Variants in MYO3A observed in about 807,000 individuals in gnomAD.
The protein encoded by MYO3A is myosin-IIIa.
MYO3A carries 180 observed loss-of-function variants against 192.7 expected under a neutral mutation model. The observed-to-expected ratio is 0.93, with a 90% CI of 0.83 to 1.06. MYO3A has a LOEUF of 1.06. Among genes scored for constraint, MYO3A ranks in the 50% least tolerant of loss-of-function variants. The pLI is 0.00. For missense variants in MYO3A, 1,896 were observed against 1,905.0 expected (o/e 1.00, Z 0.09); for synonymous variants, 628 against 645.3 (o/e 0.97, Z 0.41).
At chr10:25,977,221 T>G (rs2130772485) in intron 4 of MYO3A, among the ~76,000 whole-genome samples, 1 of 152,362 alleles carries the variant, frequency 6.6e-6, no homozygotes, top group Non-Finnish European at 1.5e-5. Flanking sequence ...GTCTGCTTAA[T>G]AATTTCCATG....
At chr10:26,200,866 A>C (rs1303303208) in intron 32 of MYO3A, 1 of 152,774 alleles carries the variant, frequency 6.5e-6, no homozygotes, top group East Asian at 1.9e-4. Flanking sequence ...GCAGACAAAG[A>C]AGCAAGACAT....
At chr10:26,107,306 C>G (rs548748207) in intron 17 of MYO3A, among the ~76,000 whole-genome samples, 18 of 151,918 alleles carry the variant, frequency 1.2e-4, no homozygotes, top group African/African-American at 4.3e-4. Context: ...ACAGTGAAAC[C>G]CCGTCTCTAC....
chr10:25,959,802 GGTGTGTGTGTGT>G lies in MYO3A; in HGVS notation c.303+4809_303+4820del, dbSNP rs10543438. Reference sequence around the variant, plus strand: ...ACAAAATTTCCAGTCTCTTAACCTGGGTGTGTGTGTGTGTGTGTGTGTGTGTCTGTGTGTGTA... The same window carrying G: ...ACAAAATTTCCAGTCTCTTAACCTGGGTGTGTGTGTGTGTCTGTGTGTGTA... On this transcript the variant is annotated intron_variant, in intron 4 of 34. Transcript: ENST00000642920. Among the ~76,000 whole-genome samples, 8 of 149,518 alleles carry G rather than the reference GGTGTGTGTGTGT, an allele frequency of 5.4e-5. No individual in the cohort carries two copies. The East Asian group carries it at 1.6e-3, about 29-fold the overall frequency.
At chr10:26,069,085 G>T (rs1835033365) in intron 12 of MYO3A, among the ~76,000 whole-genome samples, 1 of 152,028 alleles carries the variant, frequency 6.6e-6, no homozygotes, top group South Asian at 2.1e-4. Context: ...TTCTCCAAAT[G>T]CGTGTGCCAG....
intron 7 of MYO3A, among the ~76,000 whole-genome samples, chr10:26,018,058 A>G (rs1389144034): frequency 6.6e-6 from 1 of 151,068 alleles, no homozygotes; most frequent in African/African-American, 2.4e-5. Flanking sequence ...TTGTATGTTT[A>G]TTTATTATAA....
chr10:25,943,801 T>TGTGTGTGTGTGA (rs1454044629), intron 2 of MYO3A, among the ~76,000 whole-genome samples: 1 of 151,480 alleles, frequency 6.6e-6, no homozygotes, highest in Non-Finnish European at 1.5e-5. Flanking sequence ...TGTGTGTGTG[T>TGTGTGTGTGTGA]GTGATTCTTT....
intron 2 of MYO3A, among the ~76,000 whole-genome samples, chr10:25,937,827 A>G (rs1836197898): frequency 3.3e-5 from 5 of 152,226 alleles, no homozygotes; most frequent in Admixed American, 3.3e-4. Flanking sequence ...GGAATAAAAC[A>G]TTGGTTATGG....
At chr10:25,958,162 G>C (rs1837681708) in intron 4 of MYO3A, among the ~76,000 whole-genome samples, 1 of 151,938 alleles carries the variant, frequency 6.6e-6, no homozygotes, top group South Asian at 2.1e-4. Flanking sequence ...ATCTTTGCTG[G>C]TTCCTATGTC....
intron 14 of MYO3A, among the ~76,000 whole-genome samples, chr10:26,073,790 A>C (rs1835362852): frequency 6.6e-6 from 1 of 152,192 alleles, no homozygotes. Context: ...CAATACAGAC[A>C]GAAGCAGATC....
intron 4 of MYO3A, among the ~76,000 whole-genome samples, chr10:25,982,328 A>G (rs563202995): frequency 6.6e-6 from 1 of 152,226 alleles, no homozygotes; most frequent in South Asian, 2.1e-4. Flanking sequence ...GCCAAAGAGG[A>G]AGGTCTTGGA....
chr10:26,153,938 A>G lies in MYO3A; in HGVS notation c.2715+9A>G. The G allele has an allele frequency of 6.4e-7, 1 of 1,569,530 alleles. No homozygotes were observed. Among genetic ancestry groups the G allele is most frequent in the Non-Finnish European group, 8.8e-7 (1 of 1,139,962 alleles). On this transcript the variant is annotated intron_variant, in intron 24 of 34. Coordinates refer to ENST00000642920, the MANE Select transcript of MYO3A (RefSeq NM_017433.5). ...TAATCAACCTGGCAAAGGTAAGAAA[A>G]TGCTTTTTTTCTTGGCAGTGAGTCT...
At chr10:26,172,093 A>C (rs1406574613) in intron 29 of MYO3A, among the ~76,000 whole-genome samples, 1 of 152,352 alleles carries the variant, frequency 6.6e-6, no homozygotes, top group South Asian at 2.1e-4. Flanking sequence ...ACATGAAAGA[A>C]GTAGAGGCAG....
chr10:26,168,957 A>G (rs1841906750), intron 28 of MYO3A, 83 bp downstream of exon 28: 1 of 1,377,514 alleles, frequency 7.3e-7, no homozygotes, highest in Non-Finnish European at 1.0e-6. Context: ...ATTCTTGTGT[A>G]GCTTTTGTGT....
chr10:26,138,741 T>A (rs775258420), intron 20 of MYO3A, among the ~76,000 whole-genome samples: 8 of 152,208 alleles, frequency 5.3e-5, no homozygotes. Context: ...CCATAGCTGA[T>A]GTTGTGACTG....
chr10:26,007,357 A>G (rs1841295056), intron 6 of MYO3A, among the ~76,000 whole-genome samples: 1 of 149,588 alleles, frequency 6.7e-6, no homozygotes, highest in Admixed American at 6.6e-5. Context: ...CTCCTATTCA[A>G]CATAGTGTTG....
chr10:26,028,634 A>G (rs986133732), intron 10 of MYO3A, among the ~76,000 whole-genome samples: 4 of 152,346 alleles, frequency 2.6e-5, no homozygotes, highest in Non-Finnish European at 4.4e-5. Flanking sequence ...AATGTCAAGA[A>G]CTGTGAAGGA....
intron 32 of MYO3A, 127 bp downstream of exon 32, chr10:26,193,438 T>C: frequency 7.9e-6 from 6 of 756,454 alleles, no homozygotes. Context: ...CTTGGTCTCC[T>C]CTTCACTGCC....
At chr10:26,118,631 C>CTT (rs879920488) in intron 17 of MYO3A, among the ~76,000 whole-genome samples, 4 of 141,724 alleles carry the variant, frequency 2.8e-5, no homozygotes, top group Non-Finnish European at 4.7e-5. Flanking sequence ...TAAATCAAAG[C>CTT]TTTTTTTTTT....
chr10:25,985,404 C>G (rs187966598), intron 4 of MYO3A, among the ~76,000 whole-genome samples: 2 of 151,600 alleles, frequency 1.3e-5, no homozygotes, highest in African/African-American at 4.8e-5. Context: ...AACAAACAAA[C>G]AAACAAAAAC....
Sources: gnomAD v4.1 joint callset for allele counts (sites outside exome capture counted in the v4.1 genomes callset) on GRCh38, gnomAD v4.1.1 for gene constraint, MANE v1.5 for transcripts, NCBI Gene and HGNC (gene_info 2026-07-23, HGNC 2026-07-21) for gene names.